The following SLC12A8 variants were observed in gnomAD, a reference collection of about 807,000 sequenced individuals.
The protein encoded by SLC12A8 is solute carrier family 12 member 8.
In SLC12A8, 69 loss-of-function variants were observed where a neutral mutation model predicts 75.6. The ratio of observed to expected loss-of-function variants is 0.91; its 90% CI spans 0.75 to 1.11. The LOEUF (loss-of-function observed/expected upper bound fraction) is 1.11, where lower values mean the gene tolerates loss of function less well. Among genes scored for constraint, SLC12A8 ranks in the 50% most tolerant of loss-of-function variants. The pLI is 0.00. For missense variants in SLC12A8, 877 were observed against 896.7 expected, an observed-to-expected ratio of 0.98 and a Z score of 0.28; for synonymous variants, 365 against 372.8, an observed-to-expected ratio of 0.98 and a Z score of 0.24.
At chr3:125,183,278 C>T (rs1007485420) in intron 4 of SLC12A8, among the ~76,000 whole-genome samples, 1 of 152,114 alleles carries the variant, frequency 6.6e-6, no homozygotes, top group Non-Finnish European at 1.5e-5. Flanking sequence ...ATACGTTAAA[C>T]GTATTCTATT....
chr3:125,211,781 C>T (rs1217923069), intron 1 of SLC12A8, among the ~76,000 whole-genome samples: 1 of 152,150 alleles, frequency 6.6e-6, no homozygotes, highest in Non-Finnish European at 1.5e-5. Flanking sequence ...GGCATCATGA[C>T]GCACTAGACC....
intron 2 of SLC12A8, among the ~76,000 whole-genome samples, chr3:125,198,383 C>T (rs1299395457): frequency 2.6e-5 from 4 of 152,074 alleles, no homozygotes; most frequent in Non-Finnish European, 5.9e-5. Context: ...CCTATAATCC[C>T]AGCACTTTGG....
intron 6 of SLC12A8, among the ~76,000 whole-genome samples, chr3:125,131,463 T>C (rs1190162308): frequency 2.0e-5 from 3 of 152,198 alleles, no homozygotes; most frequent in Non-Finnish European, 2.9e-5. Context: ...TTCAGCGCAC[T>C]GCAATCTCTG....
At chr3:125,206,496 C>T (rs978621530) in intron 2 of SLC12A8, among the ~76,000 whole-genome samples, 1 of 152,206 alleles carries the variant, frequency 6.6e-6, no homozygotes, top group African/African-American at 2.4e-5. Flanking sequence ...TTTCTATCTA[C>T]CTCTCTTGCC....
chr3:125,180,202 G>A (rs1934628834), intron 4 of SLC12A8, among the ~76,000 whole-genome samples: 1 of 152,116 alleles, frequency 6.6e-6, no homozygotes, highest in African/African-American at 2.4e-5. Context: ...AGGGGGTGGG[G>A]GAAGCTCCTC....
At chr3:125,209,698 C>T (rs1417507358) in intron 2 of SLC12A8, among the ~76,000 whole-genome samples, 1 of 152,214 alleles carries the variant, frequency 6.6e-6, no homozygotes, top group Non-Finnish European at 1.5e-5. Flanking sequence ...TTCAATGCTA[C>T]ATGGTAAGTG....
chr3:125,118,640 T>C, intron 8 of SLC12A8, 129 bp downstream of exon 8: 1 of 631,236 alleles, frequency 1.6e-6, no homozygotes, highest in South Asian at 2.1e-5. Flanking sequence ...AAAAATAAAT[T>C]AATTAAATTT....
At chr3:125,123,368 C>G (rs1933109655) in intron 6 of SLC12A8, among the ~76,000 whole-genome samples, 1 of 52,096 alleles carries the variant, frequency 1.9e-5, no homozygotes, top group Non-Finnish European at 3.5e-5. Context: ...AGATCCATCT[C>G]AGGAAAAAAA....
intron 2 of SLC12A8, among the ~76,000 whole-genome samples, chr3:125,197,908 G>A (rs1178334817): frequency 6.6e-6 from 1 of 152,180 alleles, no homozygotes; most frequent in Non-Finnish European, 1.5e-5. Flanking sequence ...ATGAGGAAGA[G>A]GGTATTTCTA....
intron 6 of SLC12A8, among the ~76,000 whole-genome samples, chr3:125,130,528 G>A (rs538748161): frequency 3.4e-4 from 52 of 151,802 alleles, no homozygotes; most frequent in Non-Finnish European, 5.7e-4. Context: ...AGAGGCAGAG[G>A]TTGTAGTGAG....
chr3:125,140,723 C>CT (rs10707373), intron 5 of SLC12A8, among the ~76,000 whole-genome samples: 3 of 151,468 alleles, frequency 2.0e-5, no homozygotes, highest in Admixed American at 6.6e-5. Context: ...TCTTTCTTTC[C>CT]TTTTTTTTCT....
intron 5 of SLC12A8, among the ~76,000 whole-genome samples, chr3:125,148,868 G>T (rs1933849784): frequency 6.6e-6 from 1 of 152,214 alleles, no homozygotes; most frequent in Non-Finnish European, 1.5e-5. Context: ...AGCCAGAAGT[G>T]CCTTCAGGGA....
At chr3:125,178,564 C>A (rs1029913170) in intron 4 of SLC12A8, among the ~76,000 whole-genome samples, 6 of 152,110 alleles carry the variant, frequency 3.9e-5, no homozygotes, top group Admixed American at 3.9e-4. Context: ...GCATTATATG[C>A]CCCAGATTTA....
chr3:125,103,907 A>T, intron 10 of SLC12A8, among the ~76,000 whole-genome samples: 1 of 151,832 alleles, frequency 6.6e-6, no homozygotes, highest in East Asian at 1.9e-4. Context: ...GTGCTGGATT[A>T]CAGGTGTGAG....
intron 2 of SLC12A8, among the ~76,000 whole-genome samples, chr3:125,200,464 A>C (rs1170342386): frequency 1.3e-5 from 2 of 152,266 alleles, no homozygotes; most frequent in South Asian, 2.1e-4. Context: ...AACAACAACA[A>C]CAACAAGAAC....
intron 5 of SLC12A8, among the ~76,000 whole-genome samples, chr3:125,149,837 G>A (rs1466965799): frequency 1.3e-5 from 2 of 152,208 alleles, no homozygotes; most frequent in Non-Finnish European, 2.9e-5. Flanking sequence ...ACAAAGAAAA[G>A]AGGAGGGAGA....
At chr3:125,117,004 G>C (rs907044541) in intron 8 of SLC12A8, among the ~76,000 whole-genome samples, 23 of 152,234 alleles carry the variant, frequency 1.5e-4, no homozygotes, top group Non-Finnish European at 3.1e-4. Flanking sequence ...GCCACCTGGG[G>C]GTCTGTGACC....
intron 2 of SLC12A8, among the ~76,000 whole-genome samples, chr3:125,199,753 A>T (rs900010615): frequency 3.9e-5 from 6 of 152,168 alleles, no homozygotes; most frequent in Non-Finnish European, 2.9e-5. Flanking sequence ...CTCAAAAAAA[A>T]ATAAAATAAA....
In SLC12A8 at chr3:125,114,581, C is replaced by T. The variant is rs542374049; in HGVS notation, c.912+4188G>A. On this transcript the variant is annotated intron_variant, in intron 8 of 13. Transcript: ENST00000469902. Reference sequence around the variant, plus strand: ...CTGGAACTACAGGCATGCACCACCACGCCTGGCATATTTTTGTATTTTTTG... The same window carrying T: ...CTGGAACTACAGGCATGCACCACCATGCCTGGCATATTTTTGTATTTTTTG... Among the ~76,000 whole-genome samples the T allele has an allele frequency of 1.1e-4, 16 of 152,254 alleles. No homozygotes were observed. In the South Asian group the frequency reaches 1.9e-3, roughly 18 times the overall value.
Sources: allele counts gnomAD v4.1 joint callset (sites outside exome capture counted in the v4.1 genomes callset), GRCh38; gene constraint gnomAD v4.1.1; transcripts MANE v1.5; gene names NCBI Gene and HGNC (gene_info 2026-07-23, HGNC 2026-07-21).